MICAL2: variants seen among roughly 807,000 people sequenced by gnomAD.
MICAL2 encodes [F-actin]-monooxygenase MICAL2.
A neutral mutation model predicts 127.3 loss-of-function variants in MICAL2; 77 were observed. The ratio of observed to expected loss-of-function variants is 0.60; its 90% CI spans 0.50 to 0.73. MICAL2 has a LOEUF of 0.73. Among genes scored for constraint, MICAL2 ranks in the 30% least tolerant of loss-of-function variants. MICAL2 has a pLI of 0.00. For synonymous variants in MICAL2, 570 were observed against 551.1 expected (o/e 1.03, Z -0.48); for missense variants, 1,351 against 1,434.4 (o/e 0.94, Z 0.94).
At chr11:12,195,009 C>A (rs1269150524) in intron 3 of MICAL2, among the ~76,000 whole-genome samples, 1 of 152,154 alleles carries the variant, frequency 6.6e-6, no homozygotes, top group Non-Finnish European at 1.5e-5. Flanking sequence ...TGTCTATAAT[C>A]CCAGCAGCAC....
intron 2 of MICAL2, among the ~76,000 whole-genome samples, chr11:12,281,575 G>A (rs375842284): frequency 6.6e-6 from 1 of 152,130 alleles, no homozygotes; most frequent in Non-Finnish European, 1.5e-5. Context: ...CAGTGTTTGG[G>A]GCTTGTGGGA....
chr11:12,128,140 C>T (rs554074837), intron 1 of MICAL2, among the ~76,000 whole-genome samples: 1 of 152,162 alleles, frequency 6.6e-6, no homozygotes, highest in African/African-American at 2.4e-5. Flanking sequence ...TGGCGCTTTT[C>T]AGGATTAAAT....
chr11:12,117,783 T>A (rs1438000181), intron 1 of MICAL2, among the ~76,000 whole-genome samples: 1 of 152,150 alleles, frequency 6.6e-6, no homozygotes, highest in Non-Finnish European at 1.5e-5. Flanking sequence ...GATGCAAAGG[T>A]AGTAAGATCA....
chr11:12,211,075 T>C (rs758343524), intron 6 of MICAL2, among the ~76,000 whole-genome samples: 29 of 152,208 alleles, frequency 1.9e-4, no homozygotes, highest in Non-Finnish European at 2.6e-4. Flanking sequence ...AAGAGGACTA[T>C]TGAATGGAAA....
At chr11:12,242,826 G>C in intron 20 of MICAL2, 54 bp downstream of exon 20, 1 of 1,365,516 alleles carries the variant, frequency 7.3e-7, no homozygotes, top group Non-Finnish European at 1.0e-6. Flanking sequence ...CATCCAGCCA[G>C]GTGACCTTGA....
intron 34 of MICAL2, among the ~76,000 whole-genome samples, chr11:12,356,801 G>A (rs777839276): frequency 5.9e-5 from 9 of 152,304 alleles, no homozygotes; most frequent in South Asian, 2.1e-4. Flanking sequence ...CGCCCATGCC[G>A]CATACAGCAC....
At chr11:12,134,279 G>T (rs1324470262) in intron 1 of MICAL2, among the ~76,000 whole-genome samples, 1 of 152,172 alleles carries the variant, frequency 6.6e-6, no homozygotes, top group East Asian at 1.9e-4. Context: ...CCTTTAAAAA[G>T]AGTTGTTTTA....
intron 15 of MICAL2, among the ~76,000 whole-genome samples, chr11:12,235,255 TCTG>T (rs1858876796): frequency 6.6e-6 from 1 of 152,176 alleles, no homozygotes. Flanking sequence ...CCTCCAGAGT[TCTG>T]CTCATTCCCT....
intron 3 of MICAL2, among the ~76,000 whole-genome samples, chr11:12,163,434 G>A (rs1026991): frequency 0.94 from 142,868 of 152,246 alleles, 67,565 homozygotes; most frequent in Non-Finnish European, 1. Flanking sequence ...CTCCATGGCA[G>A]TCGGGACTGT....
In MICAL2 at chr11:12,324,041, G is replaced by A. The variant is rs1054924220; in HGVS notation, c.5392G>A (p.Glu1798Lys). 7 of 1,613,452 alleles carry A rather than the reference G, an allele frequency of 4.3e-6. No individual in the cohort carries two copies. In the African/African-American group the frequency reaches 9.3e-5, roughly 22 times the overall value. The change falls in exon 31 of 35, where the codon GAA becomes AAA. Residue 1798 changes from glutamate to lysine, a missense_variant. Glu to Lys is a moderately conservative substitution (Grantham distance 56, BLOSUM62 1). Coordinates refer to the MICAL2 transcript ENST00000646065. ...AGCAATGAAGCAGTTGGTTAAGCAA[G>A]AAGAATTGAAAAGACTCTATAAGGC...
At chr11:12,342,513 G>T (rs1477470274) in intron 32 of MICAL2, among the ~76,000 whole-genome samples, 1 of 152,198 alleles carries the variant, frequency 6.6e-6, no homozygotes, top group East Asian at 1.9e-4. Context: ...GAATTCTAAA[G>T]GTGAACAGAA....
chr11:12,238,076 G>A (rs1250597630), intron 16 of MICAL2, among the ~76,000 whole-genome samples: 2 of 151,926 alleles, frequency 1.3e-5, no homozygotes, highest in East Asian at 3.9e-4. Context: ...TCCCCATAGG[G>A]CTGCCACACC....
chr11:12,168,954 AAAAAAAAAAG>A (rs1296735014), intron 3 of MICAL2, among the ~76,000 whole-genome samples: 3 of 126,526 alleles, frequency 2.4e-5, no homozygotes, highest in Non-Finnish European at 3.5e-5. Flanking sequence ...CTCAAAAAAA[AAAAAAAAAAG>A]AAAAGAAAAG....
At chr11:12,261,026 G>T (rs766102733) in intron 26 of MICAL2, 2 of 985,566 alleles carry the variant, frequency 2.0e-6, no homozygotes, top group Non-Finnish European at 2.4e-6. Flanking sequence ...GTGGCTCCCA[G>T]CGGATCCCCC....
chr11:12,180,921 CTTTTTTTTTT>C (rs56946936), intron 3 of MICAL2, among the ~76,000 whole-genome samples: 2 of 82,472 alleles, frequency 2.4e-5, no homozygotes, highest in Admixed American at 1.8e-4. Context: ...TATTTTCCTT[CTTTTTTTTTT>C]TTTTTTTTTT....
downstream of MICAL2, chr11:12,358,784 G>A (rs1231513683): frequency 5.1e-6 from 1 of 196,002 alleles, no homozygotes; most frequent in Non-Finnish European, 1.0e-5. Flanking sequence ...ACAAAGACTT[G>A]ACTTTCCTGC....
chr11:12,285,184 T>TG lies in MICAL2; in HGVS notation c.255-1898dup, dbSNP rs144578244. ...CTCTTGCACTGAGTCAGTTCCTGAG[T>TG]GGGGGCTAAAAGACCAGATGAGCCA... On this transcript the variant is annotated intron_variant, in intron 2 of 2. Transcript: ENST00000529028. Among the ~76,000 whole-genome samples, 57 of 151,952 alleles carry TG rather than the reference T, an allele frequency of 3.8e-4. 2 individuals carry two copies. In the East Asian group the frequency reaches 0.011, roughly 28 times the overall value.
chr11:12,191,581 T>A (rs1391981230), intron 3 of MICAL2, among the ~76,000 whole-genome samples: 1 of 151,396 alleles, frequency 6.6e-6, no homozygotes, highest in Admixed American at 6.6e-5. Flanking sequence ...CTGGGTAACA[T>A]GGTGAAACCC....
At chr11:12,200,390 C>T (rs1388132419) in intron 3 of MICAL2, among the ~76,000 whole-genome samples, 1 of 152,234 alleles carries the variant, frequency 6.6e-6, no homozygotes, top group African/African-American at 2.4e-5. Context: ...GTTTGGACCA[C>T]ATCCAGCATC....
Sources: gnomAD v4.1 joint callset for allele counts (sites outside exome capture counted in the v4.1 genomes callset) on GRCh38, gnomAD v4.1.1 for gene constraint, MANE v1.5 for transcripts, NCBI Gene and HGNC (gene_info 2026-07-23, HGNC 2026-07-21) for gene names.